The following BAZ2B variants were observed in gnomAD, a reference collection of about 807,000 sequenced individuals.
BAZ2B encodes bromodomain adjacent to zinc finger domain protein 2B.
A neutral mutation model predicts 246.0 loss-of-function variants in BAZ2B; 91 were observed. The ratio of observed to expected loss-of-function variants is 0.37; its 90% confidence interval spans 0.31 to 0.44. The LOEUF (loss-of-function observed/expected upper bound fraction) is 0.44. Ranked by LOEUF, BAZ2B falls within the 20% of genes least tolerant of loss-of-function variation. The probability of loss-of-function intolerance (pLI) is 1.00; values close to 1 mark genes in which losing one functional copy is unlikely to be tolerated. For missense variants in BAZ2B, 2,332 were observed against 2,533.7 expected, an observed-to-expected ratio of 0.92 and a Z score of 1.71; for synonymous variants, 855 against 860.0, an observed-to-expected ratio of 0.99 and a Z score of 0.10.
At chr2:159,642,268 C>T in the BAZ2B span, among the ~76,000 whole-genome samples, 1 of 132,558 alleles carries the variant, frequency 7.5e-6, no homozygotes, top group East Asian at 2.1e-4. Context: ...AACAAAGTCT[C>T]GCTCTGTCAC....
At chr2:159,463,104 T>C in intron 3 of BAZ2B, 1 of 688,170 alleles carries the variant, frequency 1.5e-6, no homozygotes, top group East Asian at 2.6e-5. Flanking sequence ...CAAATGCACG[T>C]GCTGCCCTTT....
intron 2 of BAZ2B, among the ~76,000 whole-genome samples, chr2:159,537,864 A>G (rs529569108): frequency 6.6e-6 from 1 of 151,914 alleles, no homozygotes; most frequent in African/African-American, 2.4e-5. Context: ...GTAAGTGTGT[A>G]TGTTAATCTA....
rs1255601546 is a variant in BAZ2B at position 159,350,115 on chromosome 2, T to A, written c.4456A>T (p.Thr1486Ser). ...AKMPPESEVM[T>S]PKPNAGANGC... ...TTTGCACCAGCATTTGGTTTGGGGG[T>A]CATAACCTCTGACTCAGGAGGCATC... Residue 1486 changes from threonine to serine, a missense_variant, in exon 28 of 37, where the codon ACC becomes TCC. This residue lies in a region of BAZ2B where 676 missense variants were observed against 668.6 expected (regional missense o/e 1.01). Transcript: ENST00000392783. 1.2e-6 allele frequency: 2 copies of A among 1,614,034 alleles called. No homozygotes were observed. Among genetic ancestry groups the A allele is most frequent in the Admixed American group, 1.7e-5 (1 of 59,966 alleles).
intron 2 of BAZ2B, among the ~76,000 whole-genome samples, chr2:159,542,846 T>C (rs2086823104): frequency 6.6e-6 from 1 of 151,938 alleles, no homozygotes; most frequent in Non-Finnish European, 1.5e-5. Flanking sequence ...CCCAGGAAAA[T>C]GAAATAAATA....
intron 26 of BAZ2B, among the ~76,000 whole-genome samples, chr2:159,374,106 C>T (rs1239396240): frequency 3.5e-5 from 5 of 143,486 alleles, no homozygotes; most frequent in Non-Finnish European, 6.0e-5. Flanking sequence ...GACAGGGTCT[C>T]GCCATATTGC....
intron 1 of BAZ2B, among the ~76,000 whole-genome samples, chr2:159,577,757 C>A (rs1385302503): frequency 6.6e-6 from 1 of 151,960 alleles, no homozygotes; most frequent in South Asian, 2.1e-4. Context: ...CTTTTATACA[C>A]CACAAGAAAT....
intron 34 of BAZ2B, among the ~76,000 whole-genome samples, chr2:159,331,479 T>C (rs1304458694): frequency 1.3e-5 from 2 of 152,214 alleles, no homozygotes; most frequent in African/African-American, 2.4e-5. Flanking sequence ...GCGGTTCTCC[T>C]GCCTGAGCCC....
chr2:159,477,296 C>T (rs2078703704), intron 3 of BAZ2B, among the ~76,000 whole-genome samples: 1 of 151,748 alleles, frequency 6.6e-6, no homozygotes, highest in Non-Finnish European at 1.5e-5. Context: ...CAGTGCAAGA[C>T]TCTGTCTCAA....
chr2:159,604,713 C>A (rs1371107639), intron 1 of BAZ2B, among the ~76,000 whole-genome samples: 1 of 152,008 alleles, frequency 6.6e-6, no homozygotes, highest in Non-Finnish European at 1.5e-5. Flanking sequence ...AATACAATAT[C>A]ACATGAAAAT....
At chr2:159,682,191 C>CTTTTTT in the BAZ2B span, among the ~76,000 whole-genome samples, 3 of 111,760 alleles carry the variant, frequency 2.7e-5, no homozygotes, top group Non-Finnish European at 5.5e-5. Context: ...TGCTCAGGCT[C>CTTTTTT]TTTTTTTTTT....
intron 14 of BAZ2B, among the ~76,000 whole-genome samples, chr2:159,411,180 C>A (rs1220914704): frequency 6.6e-6 from 1 of 152,110 alleles, no homozygotes; most frequent in East Asian, 1.9e-4. Flanking sequence ...TGCCACTACA[C>A]CTGGCTAATT....
At chr2:159,644,002 T>C in the BAZ2B span, among the ~76,000 whole-genome samples, 2 of 151,914 alleles carry the variant, frequency 1.3e-5, no homozygotes, top group African/African-American at 4.8e-5. Context: ...ACTAGCTACA[T>C]GGAGGATGAG....
At chr2:159,529,347 T>C (rs1211698685) in intron 2 of BAZ2B, among the ~76,000 whole-genome samples, 1 of 152,146 alleles carries the variant, frequency 6.6e-6, no homozygotes, top group Non-Finnish European at 1.5e-5. Context: ...AATGTTCATT[T>C]ATGTGAAATC....
chr2:159,614,882 A>T (rs1695545217), intron 1 of BAZ2B, among the ~76,000 whole-genome samples: 1 of 152,234 alleles, frequency 6.6e-6, no homozygotes, highest in African/African-American at 2.4e-5. Context: ...ACATGACGTC[A>T]CTGGGCCCCC....
At chr2:159,630,728 G>T in the BAZ2B span, among the ~76,000 whole-genome samples, 3 of 152,056 alleles carry the variant, frequency 2.0e-5, no homozygotes, top group Non-Finnish European at 4.4e-5. Flanking sequence ...TAGAGACAGG[G>T]TTTCACCGTG....
At chr2:159,318,034 C>G (rs896893653), downstream of BAZ2B, among the ~76,000 whole-genome samples, 1 of 152,162 alleles carries the variant, frequency 6.6e-6, no homozygotes, top group Admixed American at 6.5e-5. Flanking sequence ...AATTATCACT[C>G]TCAAAAATTT....
intron 2 of BAZ2B, among the ~76,000 whole-genome samples, chr2:159,506,115 T>A (rs1297478584): frequency 1.3e-5 from 2 of 152,106 alleles, no homozygotes; most frequent in African/African-American, 4.8e-5. Context: ...CTGGCAAGTT[T>A]ACTATAACTA....
rs1695037673 is a variant in BAZ2B at position 159,613,083 on chromosome 2, G to T, written c.-46+3159C>A. Among the ~76,000 whole-genome samples, 3 of 151,970 alleles carry T rather than the reference G, an allele frequency of 2.0e-5. No homozygotes were observed. The South Asian group carries it at 6.2e-4, about 32-fold the overall frequency. ...TTCTAGAAAGAAAAAACCTGCATAA[G>T]AATCCATCTATTCTAAAAATTGTAA... On this transcript the variant is annotated intron_variant, in intron 1 of 36. Transcript: ENST00000392783.
intron 34 of BAZ2B, among the ~76,000 whole-genome samples, chr2:159,327,927 T>C (rs2063957581): frequency 6.6e-6 from 1 of 152,044 alleles, no homozygotes; most frequent in African/African-American, 2.4e-5. Flanking sequence ...TGGCTGGGTG[T>C]GGTGGTGCAC....
Sources: gnomAD v4.1 joint callset for allele counts (sites outside exome capture counted in the v4.1 genomes callset) on GRCh38, gnomAD v4.1.1 for gene constraint, gnomAD v4.1.1 regional missense constraint, MANE v1.5 for transcripts, NCBI Gene and HGNC (gene_info 2026-07-23, HGNC 2026-07-21) for gene names.